The following VTI1A variants were observed in gnomAD, a reference collection of about 807,000 sequenced individuals.
VTI1A encodes vesicle transport through interaction with t-SNAREs homolog 1A.
A neutral mutation model predicts 34.9 loss-of-function variants in VTI1A; 22 were observed. The ratio of observed to expected loss-of-function variants is 0.63; its 90% CI spans 0.45 to 0.90. VTI1A has a LOEUF of 0.90. Among genes scored for constraint, VTI1A ranks in the 40% least tolerant of loss-of-function variants. The probability of loss-of-function intolerance (pLI) is 0.00; values close to 1 mark genes in which losing one functional copy is unlikely to be tolerated. For synonymous variants in VTI1A, 87 were observed against 97.3 expected, an observed-to-expected ratio of 0.89 and a Z score of 0.62; for missense variants, 268 against 275.6, an observed-to-expected ratio of 0.97 and a Z score of 0.20.
At chr10:112,732,910 G>GAAAAAAA (rs111417210) in intron 7 of VTI1A, among the ~76,000 whole-genome samples, 5 of 152,118 alleles carry the variant, frequency 3.3e-5, no homozygotes, top group Admixed American at 2.6e-4. Context: ...GTCAGCCAGA[G>GAAAAAAA]TTGACACAGT....
chr10:112,544,147 G>A (rs1260506842), intron 5 of VTI1A, among the ~76,000 whole-genome samples: 1 of 152,200 alleles, frequency 6.6e-6, no homozygotes, highest in African/African-American at 2.4e-5. Flanking sequence ...GCTTAGGATT[G>A]TCTTGGCAAT....
At chr10:112,794,758 T>C (rs938334841) in intron 7 of VTI1A, among the ~76,000 whole-genome samples, 1 of 152,096 alleles carries the variant, frequency 6.6e-6, no homozygotes, top group African/African-American at 2.4e-5. Context: ...GCAAGAAAAT[T>C]AGTGGTCCTA....
At chr10:112,717,443 A>T (rs545903922) in intron 7 of VTI1A, among the ~76,000 whole-genome samples, 1 of 152,272 alleles carries the variant, frequency 6.6e-6, no homozygotes, top group African/African-American at 2.4e-5. Flanking sequence ...AGGGTCTCTC[A>T]TGAGCCTTCT....
intron 5 of VTI1A, among the ~76,000 whole-genome samples, chr10:112,557,548 A>AT (rs1482888602): frequency 9.2e-5 from 14 of 152,290 alleles, no homozygotes; most frequent in Admixed American, 8.5e-4. Context: ...AAATTGCCTC[A>AT]TTTTATGCAG....
At chr10:112,467,683 T>A (rs10787449) in intron 3 of VTI1A, among the ~76,000 whole-genome samples, 87,692 of 152,158 alleles carry the variant, frequency 0.58, 27,254 homozygotes, top group Non-Finnish European at 0.7. Context: ...CCACTACTTC[T>A]ATTGAATAGG....
chr10:112,691,705 T>C (rs1848623919), intron 7 of VTI1A, among the ~76,000 whole-genome samples: 1 of 152,216 alleles, frequency 6.6e-6, no homozygotes, highest in Admixed American at 6.5e-5. Flanking sequence ...TCCTGTCCTC[T>C]TTCCTGATGG....
chr10:112,639,166 A>G (rs1846471895), intron 5 of VTI1A, among the ~76,000 whole-genome samples: 1 of 152,160 alleles, frequency 6.6e-6, no homozygotes, highest in East Asian at 1.9e-4. Flanking sequence ...TCTCTTAATT[A>G]ATCAACTCAC....
the VTI1A span, among the ~76,000 whole-genome samples, chr10:112,846,846 C>G: frequency 0.22 from 32,656 of 151,658 alleles, 3,913 homozygotes; most frequent in Middle Eastern, 0.3. Flanking sequence ...GCCAAATTGT[C>G]TACTGGCTAC....
chr10:112,640,169 T>C (rs1846513377), intron 5 of VTI1A, among the ~76,000 whole-genome samples: 1 of 152,200 alleles, frequency 6.6e-6, no homozygotes, highest in Admixed American at 6.5e-5. Flanking sequence ...AAATTCAGCA[T>C]TTTAAATCTA....
At chr10:112,753,419 GAGAAAGTATGCAAATCCT>G (rs1851172621) in intron 7 of VTI1A, among the ~76,000 whole-genome samples, 1 of 152,090 alleles carries the variant, frequency 6.6e-6, no homozygotes, top group Non-Finnish European at 1.5e-5. Context: ...CTCAGAGAGG[GAGAAAGTATGCAAATCCT>G]AGAAAGAGTT....
chr10:112,577,380 A>G (rs893690127), intron 5 of VTI1A, among the ~76,000 whole-genome samples: 13 of 152,348 alleles, frequency 8.5e-5, no homozygotes, highest in African/African-American at 3.1e-4. Context: ...CATACCAGTC[A>G]AGCTTTCCCT....
intron 7 of VTI1A, among the ~76,000 whole-genome samples, chr10:112,736,050 A>C (rs919155660): frequency 6.8e-6 from 1 of 147,130 alleles, no homozygotes; most frequent in African/African-American, 2.5e-5. Context: ...ATATGTTTAT[A>C]TACTGTATAA....
chr10:112,572,773 A>G (rs1157424235), intron 5 of VTI1A, among the ~76,000 whole-genome samples: 1 of 150,048 alleles, frequency 6.7e-6, no homozygotes, highest in Admixed American at 6.7e-5. Context: ...CGGGAGGCGG[A>G]GCTTGCAGTG....
chr10:112,777,664 C>T (rs1851991045), intron 7 of VTI1A, among the ~76,000 whole-genome samples: 1 of 152,214 alleles, frequency 6.6e-6, no homozygotes, highest in South Asian at 2.1e-4. Context: ...AGAGGCAAAA[C>T]TCATTGGCAG....
At chr10:112,835,010 C>A in the VTI1A span, among the ~76,000 whole-genome samples, 68 of 152,184 alleles carry the variant, frequency 4.5e-4, no homozygotes, top group South Asian at 9.7e-3. Flanking sequence ...TGAAAATGGA[C>A]TTTAGCTGTG....
chr10:112,606,109 C>T (rs1845070669), intron 5 of VTI1A, among the ~76,000 whole-genome samples: 1 of 151,132 alleles, frequency 6.6e-6, no homozygotes, highest in Admixed American at 6.6e-5. Flanking sequence ...ACCACAACCT[C>T]CTCCTCCTGG....
chr10:112,811,577 G>A (rs1590207564), intron 7 of VTI1A, among the ~76,000 whole-genome samples: 1 of 151,670 alleles, frequency 6.6e-6, no homozygotes, highest in Non-Finnish European at 1.5e-5. Context: ...CCAGCTACTC[G>A]GGAGGCTGAG....
intron 5 of VTI1A, among the ~76,000 whole-genome samples, chr10:112,663,361 C>A (rs2133825495): frequency 6.6e-6 from 1 of 152,314 alleles, no homozygotes; most frequent in African/African-American, 2.4e-5. Flanking sequence ...ACTTGTTTCT[C>A]TCTAGAATTC....
At chr10:112,643,678 C>A (rs1336061628) in intron 5 of VTI1A, among the ~76,000 whole-genome samples, 1 of 152,092 alleles carries the variant, frequency 6.6e-6, no homozygotes, top group Non-Finnish European at 1.5e-5. Flanking sequence ...TCATTCTGTA[C>A]TGCATAAGCT....
Sources: gnomAD v4.1 joint callset for allele counts (sites outside exome capture counted in the v4.1 genomes callset) on GRCh38, gnomAD v4.1.1 for gene constraint, MANE v1.5 for transcripts, NCBI Gene and HGNC (gene_info 2026-07-23, HGNC 2026-07-21) for gene names.